ST18: variants seen among roughly 807,000 people sequenced by gnomAD.
The protein encoded by ST18 is ST18 C2H2C-type zinc finger transcription factor.
In ST18, 50 loss-of-function variants were observed where a neutral mutation model predicts 110.0. The observed-to-expected ratio is 0.45, with a 90% CI of 0.36 to 0.58. The LOEUF (loss-of-function observed/expected upper bound fraction) is 0.58. Among genes scored for constraint, ST18 ranks in the 20% least tolerant of loss-of-function variants. The pLI, the probability that ST18 is intolerant of heterozygous loss-of-function variation, is 0.00. For missense variants in ST18, 1,306 were observed against 1,280.1 expected (o/e 1.02, Z -0.31); for synonymous variants, 461 against 452.4 (o/e 1.02, Z -0.24).
intron 8 of ST18, chr8:52,199,655 T>C (rs746342431): frequency 3.9e-5 from 6 of 152,200 alleles, no homozygotes; most frequent in Non-Finnish European, 8.8e-5. Context: ...AAGATGGGGA[T>C]ATCTTGTTAA....
intron 2 of ST18, among the ~76,000 whole-genome samples, chr8:52,233,189 A>G (rs531744464): frequency 6.6e-6 from 1 of 152,322 alleles, no homozygotes; most frequent in East Asian, 1.9e-4. Context: ...TATGTACTCA[A>G]ATCTTCATTA....
intron 2 of ST18, among the ~76,000 whole-genome samples, chr8:52,260,980 T>C (rs2094675770): frequency 6.6e-6 from 1 of 152,144 alleles, no homozygotes; most frequent in Non-Finnish European, 1.5e-5. Flanking sequence ...ATAGTTGGCA[T>C]TTAACACAAC....
rs2082367454 is a variant in ST18, at chr8:52,212,103, A to G, written c.62T>C (p.Met21Thr). The G allele has an allele frequency of 6.2e-7, 1 of 1,604,004 alleles. No homozygotes were observed. Among genetic ancestry groups the G allele is most frequent in the African/African-American group, 1.3e-5 (1 of 74,104 alleles). The change falls in exon 8 of 26, where the codon ATG becomes ACG. Residue 21 changes from methionine to threonine, a missense_variant. Physicochemically the swap from Met to Thr is moderately conservative, Grantham distance 81. Transcript: ENST00000689386. Reference sequence around the variant, plus strand: ...CCTGAGCTCCTGGATTAGTGAATCCATTGGCACTGTTGACAAAAGAAGAAA... The same window carrying G: ...CCTGAGCTCCTGGATTAGTGAATCCGTTGGCACTGTTGACAAAAGAAGAAA... ...RTRSKGTEVP[M>T]DSLIQELSVA...
At position 52,270,820 on chromosome 8, in the gene ST18, C is replaced by T. The variant is rs1018836714; in HGVS notation, c.-464-40743G>A. Among the ~76,000 whole-genome samples the T allele has an allele frequency of 2.7e-4, 41 of 151,972 alleles. 1 individual carries two copies. Among genetic ancestry groups the T allele is most frequent in the African/African-American group, 9.2e-4 (38 of 41,448 alleles). On this transcript the variant is annotated intron_variant, in intron 2 of 25. Transcript: ENST00000689386. The stretch of plus-strand genomic sequence containing the variant: ...TAGTGGTGAAGTGTACACAACTCTG[C>T]AAATTTATTAAAATCGATTGAATTG...
At chr8:52,276,112 C>CAT (rs1564392495) in intron 2 of ST18, among the ~76,000 whole-genome samples, 32 of 37,914 alleles carry the variant, frequency 8.4e-4, no homozygotes, top group Non-Finnish European at 9.1e-4. Flanking sequence ...GAAACACACA[C>CAT]CGCACCTATC....
intron 2 of ST18, among the ~76,000 whole-genome samples, chr8:52,310,845 C>A (rs2095893774): frequency 6.9e-6 from 1 of 144,838 alleles, no homozygotes; most frequent in African/African-American, 2.5e-5. Flanking sequence ...TGATGAGACC[C>A]AAGCCACACT....
chr8:52,204,935 C>T (rs948537648), intron 8 of ST18, among the ~76,000 whole-genome samples: 1 of 151,992 alleles, frequency 6.6e-6, no homozygotes, highest in African/African-American at 2.4e-5. Flanking sequence ...AGCATGTTTT[C>T]CTGCTCTTAT....
At chr8:52,136,450 A>T in intron 19 of ST18, 140 bp downstream of exon 19, 1 of 748,936 alleles carries the variant, frequency 1.3e-6, no homozygotes. Flanking sequence ...CCAGCGCTTT[A>T]GTCAGAAAGT....
chr8:52,197,867 G>T (rs1017069947), intron 8 of ST18, among the ~76,000 whole-genome samples: 6 of 141,050 alleles, frequency 4.3e-5, no homozygotes, highest in Non-Finnish European at 7.6e-5. Context: ...ACCCACAGAG[G>T]GAAAACAGCA....
At chr8:52,244,427 T>G (rs944331387) in intron 2 of ST18, among the ~76,000 whole-genome samples, 3 of 152,230 alleles carry the variant, frequency 2.0e-5, no homozygotes, top group African/African-American at 7.2e-5. Context: ...AGAGTTTTCT[T>G]GTTTGCTCAT....
intron 2 of ST18, among the ~76,000 whole-genome samples, chr8:52,378,786 T>C (rs994127846): frequency 6.6e-6 from 1 of 152,210 alleles, no homozygotes; most frequent in African/African-American, 2.4e-5. Context: ...ATTAAAATGT[T>C]ATTTTCCCAT....
At chr8:52,399,565 G>A (rs1842248664) in intron 2 of ST18, among the ~76,000 whole-genome samples, 1 of 151,530 alleles carries the variant, frequency 6.6e-6, no homozygotes, top group Non-Finnish European at 1.5e-5. Context: ...ATGTAGGCAT[G>A]TATTGCTATA....
Position 52,116,475 on chromosome 8 carries a change from G to T in ST18, c.2860-57C>A, listed in dbSNP as rs2303458. 16,955 of 1,544,278 alleles carry T rather than the reference G, an allele frequency of 0.011. 731 individuals are homozygous for T. The African/African-American group carries it at 0.12, about 11-fold the overall frequency. On this transcript the variant is annotated intron_variant, in intron 24 of 25. Transcript: ENST00000689386. ...GTGGAGTTTGGAAGGAGTGTAAAAG[G>T]TTTCTCCCTGAAGGAAAATGCACCA...
chr8:52,207,041 A>C (rs2080331339), intron 8 of ST18, among the ~76,000 whole-genome samples: 1 of 152,250 alleles, frequency 6.6e-6, no homozygotes, highest in African/African-American at 2.4e-5. Context: ...CCACTAAAGG[A>C]AACTGAATTC....
chr8:52,290,489 C>CA (rs1589655277), intron 2 of ST18, among the ~76,000 whole-genome samples: 1 of 151,980 alleles, frequency 6.6e-6, no homozygotes. Flanking sequence ...ATAGAGAAGC[C>CA]AAAAAAGGTT....
At chr8:52,287,075 A>G (rs1440675065) in intron 2 of ST18, among the ~76,000 whole-genome samples, 1 of 152,226 alleles carries the variant, frequency 6.6e-6, no homozygotes, top group Admixed American at 6.5e-5. Context: ...CAAAATATCT[A>G]GAATTTTAGT....
intron 22 of ST18, 148 bp from the exon 23 acceptor site, chr8:52,126,288 C>T (rs902874364): frequency 1.1e-5 from 8 of 729,468 alleles, no homozygotes; most frequent in Middle Eastern, 7.9e-4. Flanking sequence ...GTAATGAATA[C>T]ATACCCATTA....
intron 23 of ST18, among the ~76,000 whole-genome samples, chr8:52,120,623 T>C (rs2044342866): frequency 6.6e-6 from 1 of 152,072 alleles, no homozygotes; most frequent in African/African-American, 2.4e-5. Context: ...AAGTGAATGA[T>C]GGGAGCAGGC....
At chr8:52,259,867 G>C (rs1484652386) in intron 2 of ST18, among the ~76,000 whole-genome samples, 2 of 152,184 alleles carry the variant, frequency 1.3e-5, no homozygotes, top group African/African-American at 4.8e-5. Flanking sequence ...ACATGGATGT[G>C]ATGAGGAAAC....
Sources: allele counts gnomAD v4.1 joint callset (sites outside exome capture counted in the v4.1 genomes callset), GRCh38; gene constraint gnomAD v4.1.1; transcripts MANE v1.5; gene names NCBI Gene and HGNC (gene_info 2026-07-23, HGNC 2026-07-21).